Variants in MCUB observed in about 807,000 individuals in gnomAD.
The protein encoded by MCUB is calcium uniporter regulatory subunit MCUb, mitochondrial.
In MCUB, 46 loss-of-function variants were observed where a neutral mutation model predicts 41.4. The ratio of observed to expected loss-of-function variants is 1.11; its 90% CI spans 0.88 to 1.42. The LOEUF is 1.42. Ranked by LOEUF, MCUB falls within the 40% of genes most tolerant of loss-of-function variation. MCUB has a pLI of 0.00. For synonymous variants in MCUB, 148 were observed against 148.2 expected (o/e 1.00, Z 0.01); for missense variants, 403 against 404.9 (o/e 1.00, Z 0.04).
At chr4:109,564,578 A>G (rs1208039448) in intron 1 of MCUB, among the ~76,000 whole-genome samples, 2 of 152,194 alleles carry the variant, frequency 1.3e-5, no homozygotes, top group East Asian at 3.8e-4. Flanking sequence ...TTTCTCATCA[A>G]TATTGTGAAT....
At chr4:109,579,254 A>AT (rs1727109013) in intron 1 of MCUB, among the ~76,000 whole-genome samples, 4 of 129,456 alleles carry the variant, frequency 3.1e-5, no homozygotes, top group Admixed American at 8.6e-5. Flanking sequence ...ATTAAACCTC[A>AT]CTTTTTTTTT....
rs80252664 is a variant in MCUB, at chr4:109,683,932, T to C, written c.613-511T>C. Among the ~76,000 whole-genome samples, 18 of 152,358 alleles carry C rather than the reference T, an allele frequency of 1.2e-4. No homozygotes were observed. In the East Asian group the frequency reaches 3.5e-3, roughly 29 times the overall value. On this transcript the variant is annotated intron_variant, in intron 5 of 7. Transcript: ENST00000394650. ...AAGGGCAGTTATTACCTTTATAGTT[T>C]TAAAGAGTTTTATTAGTGAGCTGAT...
chr4:109,643,084 C>T (rs939460247), intron 1 of MCUB, among the ~76,000 whole-genome samples: 1 of 151,510 alleles, frequency 6.6e-6, no homozygotes, highest in South Asian at 2.1e-4. Context: ...TGAGCCACCG[C>T]ACCCGGCCAC....
At chr4:109,680,272 A>G (rs1729687175) in intron 4 of MCUB, among the ~76,000 whole-genome samples, 1 of 152,126 alleles carries the variant, frequency 6.6e-6, no homozygotes, top group East Asian at 1.9e-4. Context: ...TCTCTTCTGG[A>G]TAGGTACCAG....
intron 1 of MCUB, among the ~76,000 whole-genome samples, chr4:109,592,563 A>G (rs1453677768): frequency 6.6e-6 from 1 of 152,154 alleles, no homozygotes; most frequent in Non-Finnish European, 1.5e-5. Flanking sequence ...ACATTTCTGT[A>G]ACTGATTATC....
intron 1 of MCUB, among the ~76,000 whole-genome samples, chr4:109,576,897 G>A (rs1485725153): frequency 1.3e-5 from 2 of 152,094 alleles, no homozygotes; most frequent in South Asian, 4.1e-4. Context: ...TGTTGCCCAG[G>A]CTGGAGTGCA....
At chr4:109,604,224 A>G (rs1727817878) in intron 1 of MCUB, among the ~76,000 whole-genome samples, 1 of 151,718 alleles carries the variant, frequency 6.6e-6, no homozygotes, top group South Asian at 2.1e-4. Flanking sequence ...CCTAATCTCA[A>G]GTACCCAGGG....
At chr4:109,592,795 C>T (rs377752139) in intron 1 of MCUB, among the ~76,000 whole-genome samples, 1 of 152,110 alleles carries the variant, frequency 6.6e-6, no homozygotes, top group African/African-American at 2.4e-5. Flanking sequence ...ATACACAGAC[C>T]TATTAACTCA....
chr4:109,622,699 A>C (rs1273956865), intron 1 of MCUB, among the ~76,000 whole-genome samples: 3 of 152,222 alleles, frequency 2.0e-5, no homozygotes, highest in African/African-American at 7.2e-5. Context: ...ACAGCACCCC[A>C]AACTTAATCC....
At chr4:109,663,211 G>A (rs1228012550) in intron 3 of MCUB, among the ~76,000 whole-genome samples, 1 of 152,172 alleles carries the variant, frequency 6.6e-6, no homozygotes, top group Non-Finnish European at 1.5e-5. Flanking sequence ...CATTTTCCTG[G>A]ACTTAATTTC....
rs773951817 is a variant in MCUB at position 109,685,240 on chromosome 4, T to C, written c.817-11T>C. On this transcript the variant is annotated splice_polypyrimidine_tract_variant and intron_variant, in intron 6 of 7. Coordinates refer to ENST00000394650, the MANE Select transcript of MCUB (RefSeq NM_017918.5). ...ACATGTTGTTTTCTTCTCTCTCTCT[T>C]TTTTTTTAAGGATTATACTTACTCA... 5.3e-6 allele frequency: 6 copies of C among 1,122,206 alleles called. No homozygotes were observed. The highest frequency in any genetic ancestry group is 2.3e-5 in the East Asian group (1 of 42,560). The allele number at this position is 1,122,206 out of a possible 1,614,324, so 69.5% of individuals were successfully genotyped here.
intron 1 of MCUB, among the ~76,000 whole-genome samples, chr4:109,636,264 A>G (rs1221812202): frequency 6.6e-6 from 1 of 152,168 alleles, no homozygotes; most frequent in African/African-American, 2.4e-5. Flanking sequence ...TAGATACCCT[A>G]AAAGGTTTCA....
chr4:109,660,173 TTTTTC>T lies in MCUB; in HGVS notation c.176-17_176-13del. On this transcript the variant is annotated splice_polypyrimidine_tract_variant and intron_variant, in intron 2 of 7. Transcript: ENST00000394650. ...TTTTAAAGTAAAATTTACTCATTTT[TTTTTC>T]TTTTTTTCCTTAACAGAAATAACAG... 2.4e-6 allele frequency: 3 copies of T among 1,238,730 alleles called. No homozygotes were observed. The highest frequency in any genetic ancestry group is 2.7e-5 in the Admixed American group (1 of 36,364). 76.7% of individuals were successfully genotyped at this position (1,238,730 alleles called of 1,614,324 possible). A position where few individuals can be genotyped will look rare whatever the true frequency, so the allele number is the denominator to read the frequency against.
chr4:109,686,325 G>A (rs1322172718), intron 7 of MCUB, among the ~76,000 whole-genome samples: 1 of 152,098 alleles, frequency 6.6e-6, no homozygotes, highest in Admixed American at 6.5e-5. Flanking sequence ...TTTTAGTAGA[G>A]ACAGAGTTCC....
chr4:109,561,210 C>CCTT (rs1726621121), intron 1 of MCUB, among the ~76,000 whole-genome samples: 1 of 152,126 alleles, frequency 6.6e-6, no homozygotes, highest in Non-Finnish European at 1.5e-5. Context: ...ACAGCCAAAG[C>CCTT]CTTCAGGGTG....
chr4:109,583,902 A>C (rs970717255), intron 1 of MCUB, among the ~76,000 whole-genome samples: 2 of 152,190 alleles, frequency 1.3e-5, no homozygotes, highest in African/African-American at 4.8e-5. Context: ...CTTGCATCCC[A>C]GGGATGAAGC....
chr4:109,615,282 C>T (rs748897379), intron 1 of MCUB, among the ~76,000 whole-genome samples: 15 of 151,958 alleles, frequency 9.9e-5, no homozygotes, highest in East Asian at 1.9e-4. Flanking sequence ...TGTCAGCCCC[C>T]GGGATTATAT....
At chr4:109,624,968 C>A (rs1160440858) in intron 1 of MCUB, among the ~76,000 whole-genome samples, 1 of 151,930 alleles carries the variant, frequency 6.6e-6, no homozygotes, top group African/African-American at 2.4e-5. Flanking sequence ...GGTGAACCCC[C>A]GCCTCTACTA....
chr4:109,659,059 C>G lies in MCUB; in HGVS notation c.148C>G (p.His50Asp). The change falls in exon 2 of 8, where the codon CAT becomes GAT. Residue 50 changes from histidine (H) to aspartate (D), a missense_variant. His to Asp is a moderately conservative substitution (Grantham distance 81). Transcript: ENST00000394650. ...CGNVKYYQSH[H>D]YSTVVPPDEI... ...AAATGTGAAATACTACCAGTCACAC[C>G]ATTATAGTACCGTGGTGCCACCTGA... 6.5e-7 allele frequency: 1 copy of G among 1,534,414 alleles called. No individual in the cohort carries two copies. Among genetic ancestry groups the G allele is most frequent in the Non-Finnish European group, 8.8e-7 (1 of 1,131,272 alleles).
Sources: allele counts gnomAD v4.1 joint callset (sites outside exome capture counted in the v4.1 genomes callset), GRCh38; gene constraint gnomAD v4.1.1; transcripts MANE v1.5; gene names NCBI Gene and HGNC (gene_info 2026-07-23, HGNC 2026-07-21).